Variants in FKBP1B observed in about 807,000 individuals in gnomAD.
The protein encoded by FKBP1B is FKBP prolyl isomerase 1B.
In FKBP1B, 4 loss-of-function variants were observed where a neutral mutation model predicts 13.5. That is an observed-to-expected ratio of 0.30 (90% CI 0.15 to 0.68). The LOEUF (loss-of-function observed/expected upper bound fraction) is 0.68, where lower values mean the gene tolerates loss of function less well. FKBP1B is among the 30% of genes least tolerant of loss of function. The probability of loss-of-function intolerance (pLI) is 0.76; values close to 1 mark genes in which losing one functional copy is unlikely to be tolerated. For synonymous variants in FKBP1B, 54 were observed against 53.6 expected, an observed-to-expected ratio of 1.01 and a Z score of -0.03; for missense variants, 93 against 136.2, an observed-to-expected ratio of 0.68 and a Z score of 1.58.
chr2:24,036,936 C>T, the FKBP1B span, among the ~76,000 whole-genome samples: 1 of 152,222 alleles, frequency 6.6e-6, no homozygotes, highest in East Asian at 1.9e-4. Flanking sequence ...GGAAAGTGTC[C>T]ATGATAAAAA....
At chr2:24,037,950 A>C in the FKBP1B span, 5 of 1,614,048 alleles carry the variant, frequency 3.1e-6, no homozygotes, top group African/African-American at 6.7e-5. Context: ...TAACAGGCTC[A>C]GCATCTAGAG....
At position 24,060,797 on chromosome 2, in the gene FKBP1B, G is replaced by A. The variant is rs1444135168; in HGVS notation, c.86-17G>A. On this transcript the variant is annotated splice_polypyrimidine_tract_variant and intron_variant, in intron 2 of 3. Coordinates refer to ENST00000380986, the MANE Select transcript of FKBP1B (RefSeq NM_004116.5). ...TCATGACCACAGCTCTATTGCACCC[G>A]ATTCTTGCTTTGACAGGAATGCTCC... 43 of 1,599,816 alleles carry A rather than the reference G, an allele frequency of 2.7e-5. No homozygotes were observed. Among genetic ancestry groups the A allele is most frequent in the Non-Finnish European group, 3.6e-5 (42 of 1,167,304 alleles).
chr2:24,057,522 C>T (rs899662671), intron 2 of FKBP1B, among the ~76,000 whole-genome samples: 2 of 152,096 alleles, frequency 1.3e-5, no homozygotes, highest in African/African-American at 4.8e-5. Context: ...TTCAGGCATG[C>T]GCCACCACGC....
At chr2:24,043,033 CAAAA>C in the FKBP1B span, among the ~76,000 whole-genome samples, 1 of 135,106 alleles carries the variant, frequency 7.4e-6, no homozygotes, top group Non-Finnish European at 1.6e-5. Flanking sequence ...AACTCCGTCT[CAAAA>C]AAAAAAAAAA....
chr2:24,039,119 C>T, the FKBP1B span: 2 of 1,614,072 alleles, frequency 1.2e-6, no homozygotes, highest in Non-Finnish European at 1.7e-6. Flanking sequence ...GTCAGAATAG[C>T]ACATTTTGGG....
At chr2:24,062,885 A>C in intron 3 of FKBP1B, 179 bp from the exon 4 acceptor site, 1 of 870,834 alleles carries the variant, frequency 1.1e-6, no homozygotes, top group Non-Finnish European at 1.8e-6. Flanking sequence ...GCTGAGGCAG[A>C]ATCTGCGTTT....
At chr2:24,040,301 T>G in the FKBP1B span, among the ~76,000 whole-genome samples, 1 of 152,234 alleles carries the variant, frequency 6.6e-6, no homozygotes, top group South Asian at 2.1e-4. Flanking sequence ...TGTTAATAAT[T>G]GTAGAGTCTA....
At chr2:24,033,216 TA>T in the FKBP1B span, 2 of 545,750 alleles carry the variant, frequency 3.7e-6, no homozygotes, top group Non-Finnish European at 7.2e-6. Context: ...CTAATAACAC[TA>T]AAAGGATGAT....
At chr2:24,061,246 G>T (rs3769667) in intron 3 of FKBP1B, among the ~76,000 whole-genome samples, 1 of 152,036 alleles carries the variant, frequency 6.6e-6, no homozygotes, top group South Asian at 2.1e-4. Flanking sequence ...GGGTGGATCA[G>T]TTGAGGCCAG....
Position 24,050,093 on chromosome 2 carries a change from G to C in FKBP1B, c.37+207G>C, listed in dbSNP as rs1396574501. Among the ~76,000 whole-genome samples the C allele has an allele frequency of 6.6e-6, 1 of 152,068 alleles. No individual in the cohort carries two copies. The highest frequency in any genetic ancestry group is 6.5e-5 in the Admixed American group (1 of 15,278). ...TTCCGCGCTCACCTAGGGGAATGTA[G>C]GCGGCAGCTCGGAGGCGGGGGTCTG... On this transcript the variant is annotated intron_variant, in intron 1 of 3. Coordinates refer to ENST00000380986, the MANE Select transcript of FKBP1B (RefSeq NM_004116.5). This position sits in a 1 kb window ranked among gnomAD's most constrained non-coding sequence, Gnocchi z 5.8.
chr2:24,061,974 ATTC>A (rs1664412852), intron 3 of FKBP1B, among the ~76,000 whole-genome samples: 1 of 152,014 alleles, frequency 6.6e-6, no homozygotes, highest in Non-Finnish European at 1.5e-5. Flanking sequence ...GGTTCACGCC[ATTC>A]TTCTGCCTCA....
At chr2:24,047,094 T>A (rs1210011852), upstream of FKBP1B, among the ~76,000 whole-genome samples, 1 of 152,100 alleles carries the variant, frequency 6.6e-6, no homozygotes, top group African/African-American at 2.4e-5. Context: ...AGGAGTGTTA[T>A]TCACGAGTCA....
chr2:24,048,273 C>G (rs1056885805), upstream of FKBP1B, among the ~76,000 whole-genome samples: 1 of 151,792 alleles, frequency 6.6e-6, no homozygotes, highest in Non-Finnish European at 1.5e-5. Flanking sequence ...AGTTCGAGAC[C>G]AGCCTGGCCA....
At chr2:24,055,683 A>T (rs12105133) in intron 2 of FKBP1B, among the ~76,000 whole-genome samples, 26,442 of 152,214 alleles carry the variant, frequency 0.17, 3,207 homozygotes, top group African/African-American at 0.34. Context: ...ACGTACAAGT[A>T]TGTTGCAATT....
At chr2:24,038,489 T>C in the FKBP1B span, 4 of 1,614,126 alleles carry the variant, frequency 2.5e-6, no homozygotes, top group East Asian at 4.5e-5. Context: ...ATGCCTGGAA[T>C]AGTGACTTTT....
chr2:24,048,376 C>A (rs1663699584), upstream of FKBP1B, among the ~76,000 whole-genome samples: 1 of 149,470 alleles, frequency 6.7e-6, no homozygotes, highest in Non-Finnish European at 1.5e-5. Flanking sequence ...GAGACTGAGG[C>A]ACGAGAATCG....
the FKBP1B span, among the ~76,000 whole-genome samples, chr2:24,041,203 G>A: frequency 6.6e-6 from 1 of 151,960 alleles, no homozygotes; most frequent in Middle Eastern, 3.4e-3. Context: ...GCCGGGCATG[G>A]TGGCGCATGC....
At position 24,050,296 on chromosome 2, in the gene FKBP1B, G is replaced by A. The variant is rs1344288099; in HGVS notation, c.37+410G>A. On this transcript the variant is annotated intron_variant, in intron 1 of 3. Transcript: ENST00000380986. This position sits in a 1 kb window ranked among gnomAD's most constrained non-coding sequence, Gnocchi z 5.8. Reference sequence around the variant, plus strand: ...TGCTCTCGGATACCCGCTGCTCGGGGACCTCCTCCTAGCGCGTCCCCCGCC... The same window carrying A: ...TGCTCTCGGATACCCGCTGCTCGGGAACCTCCTCCTAGCGCGTCCCCCGCC... 9.9e-5 allele frequency among the ~76,000 whole-genome samples: 15 copies of A among 152,172 alleles called. No homozygotes were observed. Among genetic ancestry groups the A allele is most frequent in the Middle Eastern group, 3.2e-3 (1 of 316 alleles).
Position 24,049,765 on chromosome 2 carries a change from G to C in FKBP1B, c.-85G>C. On this transcript the variant is annotated 5_prime_UTR_variant, in exon 1 of 4. Coordinates refer to ENST00000380986, the MANE Select transcript of FKBP1B (RefSeq NM_004116.5). ...TGCAGTGGCGGCGAGGAGGCGAGCC[G>C]GAGCGACGGCGGGGCTGGGGCCGGA... The C allele has an allele frequency of 8.6e-7, 1 of 1,158,528 alleles. No individual in the cohort carries two copies. The highest frequency in any genetic ancestry group is 1.1e-6 in the Non-Finnish European group (1 of 905,604). The allele number at this position is 1,158,528 out of a possible 1,614,324, so 71.8% of individuals were successfully genotyped here. A position where few individuals can be genotyped will look rare whatever the true frequency, so the allele number is the denominator to read the frequency against.
Sources: gnomAD v4.1 joint callset for allele counts (sites outside exome capture counted in the v4.1 genomes callset) on GRCh38, gnomAD v4.1.1 for gene constraint, Gnocchi (gnomAD v3.1) non-coding constraint, MANE v1.5 for transcripts, NCBI Gene and HGNC (gene_info 2026-07-23, HGNC 2026-07-21) for gene names.